TMCC2: variants seen among roughly 807,000 people sequenced by gnomAD.
TMCC2 encodes the protein transmembrane and coiled-coil domain family 2.
TMCC2 carries 16 observed loss-of-function variants against 49.4 expected under a neutral mutation model. That is an observed-to-expected ratio of 0.32 (90% confidence interval 0.22 to 0.49). The LOEUF is 0.49. Ranked by LOEUF, TMCC2 falls within the 20% of genes least tolerant of loss-of-function variation. The probability of loss-of-function intolerance (pLI) is 0.99; values close to 1 mark genes in which losing one functional copy is unlikely to be tolerated. For missense variants in TMCC2, 762 were observed against 989.8 expected (o/e 0.77, Z 3.09); for synonymous variants, 397 against 434.1 (o/e 0.91, Z 1.06).
rs1661225594 is a variant in TMCC2, at chr1:205,264,144, C to T, written c.748-4806C>T. ...GTTTGAAGGAGATTGGTTCCAAGAC[C>T]CCCTGCAGATACCAAAGTTCCAGAT... On this transcript the variant is annotated intron_variant, in intron 2 of 4. Transcript: ENST00000358024. This position sits in a 1 kb window ranked among gnomAD's most constrained non-coding sequence, Gnocchi z 4.2. 6.6e-6 allele frequency among the ~76,000 whole-genome samples: 1 copy of T among 152,128 alleles called. No homozygotes were observed. The highest frequency in any genetic ancestry group is 1.5e-5 in the Non-Finnish European group (1 of 68,030).
intron 2 of TMCC2, among the ~76,000 whole-genome samples, chr1:205,255,891 G>A (rs1190109715): frequency 6.6e-6 from 1 of 152,204 alleles, no homozygotes; most frequent in Non-Finnish European, 1.5e-5. Flanking sequence ...AAGTAGGGGA[G>A]CTGCCAGAAG....
chr1:205,267,186 C>T (rs894857896), intron 2 of TMCC2, among the ~76,000 whole-genome samples: 7 of 152,178 alleles, frequency 4.6e-5, no homozygotes, highest in African/African-American at 1.7e-4. Context: ...TCCACAGCAT[C>T]CCCAGGGGGA....
At chr1:205,228,976 T>G in intron 1 of TMCC2, 1 of 1,390,636 alleles carries the variant, frequency 7.2e-7, no homozygotes, top group Non-Finnish European at 9.3e-7. Context: ...GTCTCTGTGT[T>G]TGTTCCCCAT....
At chr1:205,261,351 T>G (rs1661106646) in intron 2 of TMCC2, among the ~76,000 whole-genome samples, 1 of 151,088 alleles carries the variant, frequency 6.6e-6, no homozygotes, top group Admixed American at 6.6e-5. Context: ...ACTACAGGCA[T>G]GCACCACCAC....
intron 2 of TMCC2, among the ~76,000 whole-genome samples, chr1:205,252,627 G>A (rs888214804): frequency 1.3e-5 from 2 of 152,132 alleles, no homozygotes; most frequent in African/African-American, 4.8e-5. Flanking sequence ...AAAAGAAGCC[G>A]CCAGCCTTTC....
rs1661238540 is a variant in TMCC2 at position 205,264,458 on chromosome 1, A to G, written c.748-4492A>G. On this transcript the variant is annotated intron_variant, in intron 2 of 4. Coordinates refer to ENST00000358024, the MANE Select transcript of TMCC2 (RefSeq NM_014858.4). This position sits in a 1 kb window ranked among gnomAD's most constrained non-coding sequence, Gnocchi z 4.2. ...CTCAGCCTCCTGAGTAGCTGGAACAACCGGAACATGCCACCACACTCAGTT... is the reference window on the plus strand; with the variant it reads ...CTCAGCCTCCTGAGTAGCTGGAACAGCCGGAACATGCCACCACACTCAGTT... Among the ~76,000 whole-genome samples, 2 of 151,904 alleles carry G rather than the reference A, an allele frequency of 1.3e-5. No homozygotes were observed. Among genetic ancestry groups the G allele is most frequent in the Non-Finnish European group, 2.9e-5 (2 of 67,990 alleles).
In TMCC2 at chr1:205,266,570, G is replaced by A. The variant is rs548359504; in HGVS notation, c.748-2380G>A. Among the ~76,000 whole-genome samples, 41 of 150,250 alleles carry A rather than the reference G, an allele frequency of 2.7e-4. No individual in the cohort carries two copies. The South Asian group carries it at 8.2e-3, about 30-fold the overall frequency. On this transcript the variant is annotated intron_variant, in intron 2 of 4. Coordinates refer to ENST00000358024, the MANE Select transcript of TMCC2 (RefSeq NM_014858.4). ...ATGGCCCCACTGCATTCCAGCCTGG[G>A]CGACAGAGACCCCGTCTCCAAAAAA...
intron 2 of TMCC2, chr1:205,256,291 G>A: frequency 1.3e-6 from 2 of 1,547,838 alleles, no homozygotes; most frequent in Non-Finnish European, 1.7e-6. Context: ...GGACTCAGCT[G>A]GCCAGCCGGT....
intron 1 of TMCC2, among the ~76,000 whole-genome samples, chr1:205,232,329 C>A (rs147115115): frequency 2.6e-4 from 39 of 152,334 alleles, no homozygotes; most frequent in African/African-American, 9.1e-4. Context: ...CGGGGAAAAT[C>A]TCAGTAGACA....
In TMCC2 at chr1:205,241,789, C is replaced by A; in HGVS notation, c.492C>A (p.Gly164=). 1 of 1,607,894 alleles carries A rather than the reference C, an allele frequency of 6.2e-7. No homozygotes were observed. The highest frequency in any genetic ancestry group is 2.2e-5 in the East Asian group (1 of 44,580). Residue 164 remains glycine (G), a synonymous_variant, in exon 2 of 5, where the codon GGC becomes GGA. Coordinates refer to ENST00000358024, the MANE Select transcript of TMCC2 (RefSeq NM_014858.4). This position sits in a 1 kb window ranked among gnomAD's most constrained non-coding sequence, Gnocchi z 7.3. ...QIRSRPSIKR[G]ASLHSSSGGG... ...GCTCCCGGCCCTCCATCAAGCGGGG[C>A]GCCAGCCTGCACAGCAGCAGTGGGG...
At position 205,228,436 on chromosome 1, in the gene TMCC2, G is replaced by GT. The variant is rs1659655601; in HGVS notation, c.-128dup. ...AATTTTTTTTTTAATTCAAGAAATT[G>GT]TGGTCTGCCATCTCCCCTCCTTGTT... On this transcript the variant is annotated 5_prime_UTR_variant, in exon 1 of 5. Transcript: ENST00000358024. 8 of 690,026 alleles carry GT rather than the reference G, an allele frequency of 1.2e-5. No individual in the cohort carries two copies. Among genetic ancestry groups the GT allele is most frequent in the Non-Finnish European group, 1.8e-5 (8 of 437,746 alleles). The allele number at this position is 690,026 out of a possible 1,614,324, so 42.7% of individuals were successfully genotyped here. A position where few individuals can be genotyped will look rare whatever the true frequency, so the allele number is the denominator to read the frequency against.
chr1:205,258,904 A>T (rs1464478613), intron 2 of TMCC2, among the ~76,000 whole-genome samples: 1 of 152,158 alleles, frequency 6.6e-6, no homozygotes, highest in East Asian at 1.9e-4. Flanking sequence ...AGCGTTCTTT[A>T]TCCCGAGAGG....
chr1:205,252,647 T>A (rs1039850999), intron 2 of TMCC2, among the ~76,000 whole-genome samples: 2 of 151,980 alleles, frequency 1.3e-5, no homozygotes, highest in Non-Finnish European at 2.9e-5. Flanking sequence ...CAAAGAGGAG[T>A]CCTCACTGGC....
chr1:205,272,168 CCA>C lies in TMCC2; in HGVS notation c.*48_*49del. The C allele has an allele frequency of 5.7e-6, 9 of 1,589,806 alleles. No homozygotes were observed. Among genetic ancestry groups the C allele is most frequent in the Non-Finnish European group, 7.7e-6 (9 of 1,164,130 alleles). On this transcript the variant is annotated 3_prime_UTR_variant, in exon 5 of 5. Transcript: ENST00000358024. The stretch of plus-strand genomic sequence containing the variant: ...CCTGTGCTCTCTGGCCCCCAGCTGG[CCA>C]CACTTCTCCAGGAGGGACCCTTGGA...
At chr1:205,270,660 C>A (rs574112720) in intron 3 of TMCC2, among the ~76,000 whole-genome samples, 1 of 152,212 alleles carries the variant, frequency 6.6e-6, no homozygotes. Context: ...AGTCATCTTA[C>A]GCTATTTTGT....
At chr1:205,250,970 G>A (rs1004172933) in intron 2 of TMCC2, among the ~76,000 whole-genome samples, 2 of 152,134 alleles carry the variant, frequency 1.3e-5, no homozygotes, top group Non-Finnish European at 2.9e-5. Flanking sequence ...TTCTTCCCTG[G>A]ATCTGCCACA....
intron 2 of TMCC2, among the ~76,000 whole-genome samples, chr1:205,258,696 G>A (rs1458892122): frequency 6.6e-6 from 1 of 152,192 alleles, no homozygotes; most frequent in Non-Finnish European, 1.5e-5. Context: ...ACCAAGGGTT[G>A]GAATAATTTT....
Position 205,228,455 on chromosome 1 carries a change from CCTT to C in TMCC2, c.-109_-107del. ...GAAATTGTGGTCTGCCATCTCCCCT[CCTT>C]GTTAATAATTTAGACCCCAGGCCTC... is the stretch of plus-strand genomic sequence containing the variant. On this transcript the variant is annotated 5_prime_UTR_variant, in exon 1 of 5. Coordinates refer to ENST00000358024, the MANE Select transcript of TMCC2 (RefSeq NM_014858.4). The C allele has an allele frequency of 1.1e-6, 1 of 915,762 alleles. No individual in the cohort carries two copies. 56.7% of individuals were successfully genotyped at this position (915,762 alleles called of 1,614,324 possible).
rs773314142 is a variant in TMCC2, at chr1:205,269,012, C to T, written c.810C>T (p.Pro270=). The T allele has an allele frequency of 1.1e-5, 17 of 1,613,294 alleles. No homozygotes were observed. The highest frequency in any genetic ancestry group is 1.4e-5 in the Non-Finnish European group (16 of 1,180,014). ...CCGGCCATGGTGACACCGACGGCCC[C>T]ATCAGCCTGGACGTGCCCGATGGGG... ...LPAGHGDTDG[P]ISLDVPDGAP... is the part of the protein sequence containing the mutation. The change falls in exon 3 of 5, where the codon CCC becomes CCT. Residue 270 remains proline, a synonymous_variant. Coordinates refer to ENST00000358024, the MANE Select transcript of TMCC2 (RefSeq NM_014858.4).
Sources: allele counts gnomAD v4.1 joint callset (sites outside exome capture counted in the v4.1 genomes callset), GRCh38; gene constraint gnomAD v4.1.1; non-coding constraint Gnocchi (gnomAD v3.1); transcripts MANE v1.5; gene names NCBI Gene and HGNC (gene_info 2026-07-23, HGNC 2026-07-21).